The following CSMD1 variants were observed in gnomAD, a reference collection of about 807,000 sequenced individuals.
CSMD1 encodes the protein CUB and sushi domain-containing protein 1.
Under a neutral mutation model 417.5 loss-of-function variants are expected in CSMD1, and 213 were observed. That is an observed-to-expected ratio of 0.51 (90% CI 0.46 to 0.57). The LOEUF is 0.57. Ranked by LOEUF, CSMD1 falls within the 20% of genes least tolerant of loss-of-function variation. The pLI is 0.00. For missense variants in CSMD1, 6,923 were observed against 4,529.7 expected, an observed-to-expected ratio of 1.53 and a Z score of -15.17; for synonymous variants, 2,862 against 1,736.8, an observed-to-expected ratio of 1.65 and a Z score of -16.11.
chr8:3,132,482 G>C (rs925682350), intron 41 of CSMD1, among the ~76,000 whole-genome samples: 2 of 152,102 alleles, frequency 1.3e-5, no homozygotes, highest in Non-Finnish European at 2.9e-5. Context: ...ATGAAAGTAA[G>C]CTGTTTGTCT....
intron 3 of CSMD1, among the ~76,000 whole-genome samples, chr8:4,210,666 C>A (rs1341644245): frequency 6.6e-6 from 1 of 152,126 alleles, no homozygotes; most frequent in Non-Finnish European, 1.5e-5. Flanking sequence ...AAACACTTAT[C>A]TGAAGAAAGC....
intron 3 of CSMD1, among the ~76,000 whole-genome samples, chr8:4,059,052 C>A (rs1798838992): frequency 6.6e-6 from 1 of 152,106 alleles, no homozygotes; most frequent in Admixed American, 6.6e-5. Flanking sequence ...GTAAAGCTCT[C>A]CTCAGCAAAT....
chr8:4,270,839 C>T (rs2128851251), intron 3 of CSMD1, among the ~76,000 whole-genome samples: 1 of 152,292 alleles, frequency 6.6e-6, no homozygotes, highest in African/African-American at 2.4e-5. Flanking sequence ...CCGTGACTTC[C>T]CCACTTACTC....
intron 5 of CSMD1, among the ~76,000 whole-genome samples, chr8:3,871,067 C>T (rs529624422): frequency 1.3e-4 from 20 of 151,990 alleles, no homozygotes; most frequent in East Asian, 3.9e-4. Flanking sequence ...CCATGACTTA[C>T]GTATGTTAAG....
In CSMD1 at chr8:4,308,055, C is replaced by T. The variant is rs112901992; in HGVS notation, c.415+111898G>A. ...CAACGCCAGACATGGATCTGACTTT[C>T]AGCCTCAGTTACACACTTTGGTCTT... On this transcript the variant is annotated intron_variant, in intron 3 of 69. Transcript: ENST00000635120. Among the ~76,000 whole-genome samples, 1,240 of 152,276 alleles carry T rather than the reference C, an allele frequency of 8.1e-3. 20 individuals are homozygous for T. The highest frequency in any genetic ancestry group is 0.029 in the African/African-American group (1,190 of 41,552).
At chr8:4,180,971 A>G (rs1276632310) in intron 3 of CSMD1, among the ~76,000 whole-genome samples, 1 of 152,164 alleles carries the variant, frequency 6.6e-6, no homozygotes, top group Non-Finnish European at 1.5e-5. Context: ...ATGCTGTGAT[A>G]ATGGCTTACC....
intron 3 of CSMD1, among the ~76,000 whole-genome samples, chr8:4,411,665 T>G (rs559894364): frequency 6.6e-6 from 1 of 152,192 alleles, no homozygotes; most frequent in Non-Finnish European, 1.5e-5. Context: ...ATTTTCACAA[T>G]TCACATTTTC....
chr8:3,516,635 A>G (rs1797293479), intron 10 of CSMD1, among the ~76,000 whole-genome samples: 1 of 152,038 alleles, frequency 6.6e-6, no homozygotes, highest in Non-Finnish European at 1.5e-5. Context: ...ATTGTTTTTA[A>G]TTTTAATTAT....
intron 3 of CSMD1, among the ~76,000 whole-genome samples, chr8:4,317,881 G>C (rs922679172): frequency 3.9e-5 from 6 of 152,126 alleles, no homozygotes; most frequent in Non-Finnish European, 7.4e-5. Flanking sequence ...ATGAAAATAT[G>C]TTCTGTCTTT....
intron 3 of CSMD1, among the ~76,000 whole-genome samples, chr8:4,261,731 C>T (rs952918558): frequency 1.3e-5 from 2 of 151,950 alleles, no homozygotes; most frequent in African/African-American, 4.8e-5. Flanking sequence ...TTAAATGCCC[C>T]CATCACACAC....
At chr8:3,620,966 A>G (rs1453551416) in intron 7 of CSMD1, among the ~76,000 whole-genome samples, 1 of 152,166 alleles carries the variant, frequency 6.6e-6, no homozygotes, top group African/African-American at 2.4e-5. Context: ...TAAAGAGGTA[A>G]TTAACTTAAA....
At chr8:3,138,225 C>T (rs995237598) in intron 41 of CSMD1, among the ~76,000 whole-genome samples, 1 of 152,028 alleles carries the variant, frequency 6.6e-6, no homozygotes, top group East Asian at 1.9e-4. Flanking sequence ...GATTCCCTCT[C>T]GAAAACAAAA....
chr8:4,891,786 A>G (rs188835709), intron 1 of CSMD1, among the ~76,000 whole-genome samples: 1 of 152,260 alleles, frequency 6.6e-6, no homozygotes, highest in Admixed American at 6.5e-5. Context: ...GCAATTATTT[A>G]GCAACCCATG....
At chr8:3,420,218 A>C (rs1204676903) in intron 12 of CSMD1, among the ~76,000 whole-genome samples, 1 of 152,148 alleles carries the variant, frequency 6.6e-6, no homozygotes, top group Non-Finnish European at 1.5e-5. Flanking sequence ...TTCCTGGAAA[A>C]CGTATAACCC....
rs368176994 is a variant in CSMD1 at position 4,758,240 on chromosome 8, A to G, written c.86-120682T>C. ...CCTGTCTTTATCTGGGTAAGGAGGA[A>G]GCCCACCGACTATAATGAAGGATTT... On this transcript the variant is annotated intron_variant, in intron 1 of 69. Coordinates refer to ENST00000635120, the MANE Select transcript of CSMD1 (RefSeq NM_033225.6). Among the ~76,000 whole-genome samples, 240 of 152,270 alleles carry G rather than the reference A, an allele frequency of 1.6e-3. 1 individual carries two copies. Among genetic ancestry groups the G allele is most frequent in the African/African-American group, 5.6e-3 (233 of 41,562 alleles).
At chr8:3,386,902 G>A (rs1170301199) in intron 18 of CSMD1, among the ~76,000 whole-genome samples, 3 of 152,176 alleles carry the variant, frequency 2.0e-5, no homozygotes, top group African/African-American at 7.2e-5. Flanking sequence ...ACACAGCATA[G>A]TATAACGTTG....
At chr8:3,685,064 T>A (rs1455522329) in intron 7 of CSMD1, among the ~76,000 whole-genome samples, 1 of 152,122 alleles carries the variant, frequency 6.6e-6, no homozygotes, top group Non-Finnish European at 1.5e-5. Context: ...GAAATAAAAA[T>A]AAGAGATGTC....
intron 1 of CSMD1, among the ~76,000 whole-genome samples, chr8:4,790,825 A>C (rs1175614894): frequency 6.6e-6 from 1 of 152,232 alleles, no homozygotes; most frequent in Non-Finnish European, 1.5e-5. Context: ...CATATAAGAA[A>C]ATCAACACAA....
chr8:4,081,717 C>G (rs1009880688), intron 3 of CSMD1, among the ~76,000 whole-genome samples: 1 of 152,156 alleles, frequency 6.6e-6, no homozygotes, highest in Non-Finnish European at 1.5e-5. Context: ...AGTATTTTCT[C>G]TGACCAAATT....
Sources: allele counts gnomAD v4.1 joint callset (sites outside exome capture counted in the v4.1 genomes callset), GRCh38; gene constraint gnomAD v4.1.1; transcripts MANE v1.5; gene names NCBI Gene and HGNC (gene_info 2026-07-23, HGNC 2026-07-21).